WNT9A: variants seen among roughly 807,000 people sequenced by gnomAD.
WNT9A encodes the protein protein Wnt-9a.
Under a neutral mutation model 31.4 loss-of-function variants are expected in WNT9A, and 8 were observed. That is an observed-to-expected ratio of 0.26 (90% CI 0.15 to 0.46). The LOEUF is 0.46. Ranked by LOEUF, WNT9A falls within the 20% of genes least tolerant of loss-of-function variation. The pLI is 0.99. For synonymous variants in WNT9A, 236 were observed against 220.1 expected, an observed-to-expected ratio of 1.07 and a Z score of -0.64; for missense variants, 457 against 522.9, an observed-to-expected ratio of 0.87 and a Z score of 1.23.
At chr1:227,947,198 C>G (rs556342346) in intron 1 of WNT9A, among the ~76,000 whole-genome samples, 68 of 152,128 alleles carry the variant, frequency 4.5e-4, no homozygotes, top group Non-Finnish European at 8.5e-4. Flanking sequence ...GCCCTGCGCT[C>G]CCGGCCAGGT....
chr1:227,931,673 C>T (rs1180701639), intron 1 of WNT9A, among the ~76,000 whole-genome samples: 1 of 152,162 alleles, frequency 6.6e-6, no homozygotes, highest in Non-Finnish European at 1.5e-5. Flanking sequence ...GCTTACACTA[C>T]AGTCTTTAAG....
chr1:227,945,728 C>T (rs1666783845), intron 1 of WNT9A, among the ~76,000 whole-genome samples: 1 of 152,102 alleles, frequency 6.6e-6, no homozygotes, highest in Admixed American at 6.5e-5. Flanking sequence ...TGCCCTGGGC[C>T]ACCCCCTGCC....
At chr1:227,945,381 G>A (rs929109233) in intron 1 of WNT9A, among the ~76,000 whole-genome samples, 3 of 152,194 alleles carry the variant, frequency 2.0e-5, no homozygotes, top group African/African-American at 7.2e-5. Flanking sequence ...GCCAGGCCAA[G>A]GGGAGCCTCT....
chr1:227,936,867 G>A (rs145540287), intron 1 of WNT9A, among the ~76,000 whole-genome samples: 40 of 152,208 alleles, frequency 2.6e-4, no homozygotes, highest in Middle Eastern at 3.4e-3. Context: ...CTGGGCTTCT[G>A]GAATCTTCTT....
intron 1 of WNT9A, among the ~76,000 whole-genome samples, chr1:227,930,418 A>G (rs1298080782): frequency 6.6e-6 from 1 of 152,220 alleles, no homozygotes; most frequent in Admixed American, 6.5e-5. Flanking sequence ...CAGATGGCCT[A>G]TCCAGAATCC....
chr1:227,947,925 C>G lies in WNT9A; in HGVS notation c.-38G>C. 2 of 1,030,924 alleles carry G rather than the reference C, an allele frequency of 1.9e-6. No homozygotes were observed. Among genetic ancestry groups the G allele is most frequent in the South Asian group, 9.0e-5 (2 of 22,322 alleles). 63.9% of individuals were successfully genotyped at this position (1,030,924 alleles called of 1,614,324 possible). Reference sequence around the variant, plus strand: ...CGGCGGCCGACCATCGCGCTCCCAGCTCCGCGCAGGGCGCGCCGCGGCCGC... The same window carrying G: ...CGGCGGCCGACCATCGCGCTCCCAGGTCCGCGCAGGGCGCGCCGCGGCCGC... On this transcript the variant is annotated 5_prime_UTR_variant, in exon 1 of 4. Transcript: ENST00000272164.
chr1:227,923,736 T>C (rs868184479), intron 3 of WNT9A, among the ~76,000 whole-genome samples: 22 of 152,060 alleles, frequency 1.4e-4, no homozygotes, highest in Admixed American at 9.2e-4. Context: ...GGGGCACATC[T>C]TCCTCCCACC....
Position 227,925,611 on chromosome 1 carries a change from C to T in WNT9A, c.96-92G>A, listed in dbSNP as rs907526418. 1.9e-5 allele frequency: 27 copies of T among 1,424,638 alleles called. No individual in the cohort carries two copies. Among genetic ancestry groups the T allele is most frequent in the Non-Finnish European group, 2.3e-5 (25 of 1,092,346 alleles). The allele number at this position is 1,424,638 out of a possible 1,614,324, so 88.2% of individuals were successfully genotyped here. A position where few individuals can be genotyped will look rare whatever the true frequency, so the allele number is the denominator to read the frequency against. On this transcript the variant is annotated intron_variant, in intron 1 of 3. Transcript: ENST00000272164. This position sits in a 1 kb window ranked among gnomAD's most constrained non-coding sequence, Gnocchi z 6.0. ...CGGTGGCCAGGGTACAGGGGACAGG[C>T]GTGTCCATCCGGGGGTGAGGGGGCA... is the stretch of plus-strand genomic sequence containing the variant.
intron 2 of WNT9A, among the ~76,000 whole-genome samples, chr1:227,924,666 A>G (rs887828722): frequency 3.9e-5 from 6 of 152,146 alleles, no homozygotes; most frequent in African/African-American, 9.7e-5. Context: ...AGTCCCCATC[A>G]GGGTCTCGAA....
At chr1:227,937,322 G>C (rs376563581) in intron 1 of WNT9A, among the ~76,000 whole-genome samples, 14 of 152,176 alleles carry the variant, frequency 9.2e-5, no homozygotes, top group African/African-American at 3.1e-4. Flanking sequence ...GTGCAGGCCT[G>C]GTTAGCTCTG....
chr1:227,947,889 T>C lies in WNT9A; in HGVS notation c.-2A>G, dbSNP rs1427503236. On this transcript the variant is annotated 5_prime_UTR_variant, in exon 1 of 4. Coordinates refer to ENST00000272164, the MANE Select transcript of WNT9A (RefSeq NM_003395.4). ...CGCCAGCGGGGACCCATCCAGCATC[T>C]TGCCGCGCCTCGGCGGCCGACCATC... 1.6e-5 allele frequency: 17 copies of C among 1,069,614 alleles called. No individual in the cohort carries two copies. Among genetic ancestry groups the C allele is most frequent in the Non-Finnish European group, 1.7e-5 (15 of 885,556 alleles). 66.3% of individuals were successfully genotyped at this position (1,069,614 alleles called of 1,614,324 possible).
In WNT9A at chr1:227,921,985, C is replaced by T. The variant is rs1380323972; in HGVS notation, c.631G>A (p.Val211Met). ...CCGTGGCACTTGCAGGTGGTCTCCA[C>T]CCCAGCCTTGATCACCTGGCAGAAG... is the stretch of plus-strand genomic sequence containing the variant. Reference protein sequence around the residue: ...LVGVKVIKAGVETTCKCHGVS... With the variant: ...LVGVKVIKAGMETTCKCHGVS... The change falls in exon 4 of 4, where the codon GTG becomes ATG. Residue 211 changes from valine to methionine, a missense_variant. By Grantham distance (21) the Val-to-Met change is conservative. Coordinates refer to ENST00000272164, the MANE Select transcript of WNT9A (RefSeq NM_003395.4). 1.2e-6 allele frequency: 2 copies of T among 1,607,576 alleles called. No homozygotes were observed. The highest frequency in any genetic ancestry group is 1.3e-5 in the African/African-American group (1 of 74,870).
At chr1:227,932,153 G>C (rs1045161430) in intron 1 of WNT9A, among the ~76,000 whole-genome samples, 3 of 152,178 alleles carry the variant, frequency 2.0e-5, no homozygotes, top group Middle Eastern at 3.2e-3. Context: ...TTCACAATTA[G>C]AGTCACTCTT....
chr1:227,921,344 T>A lies in WNT9A; in HGVS notation c.*174A>T. The stretch of plus-strand genomic sequence containing the variant: ...GGGACTCACCCCACGCTGCTAGGTC[T>A]GAGCCCAGGGACTCAGCCCATGCAG... On this transcript the variant is annotated 3_prime_UTR_variant, in exon 4 of 4. Coordinates refer to ENST00000272164, the MANE Select transcript of WNT9A (RefSeq NM_003395.4). 1 of 1,057,862 alleles carries A rather than the reference T, an allele frequency of 9.5e-7. No homozygotes were observed. Among genetic ancestry groups the A allele is most frequent in the Non-Finnish European group, 1.3e-6 (1 of 749,172 alleles). The allele number at this position is 1,057,862 out of a possible 1,614,324, so 65.5% of individuals were successfully genotyped here.
rs770683629 is a variant in WNT9A, at chr1:227,925,217, G to A, written c.352+46C>T. On this transcript the variant is annotated intron_variant, in intron 2 of 3. Transcript: ENST00000272164. This position sits in a 1 kb window ranked among gnomAD's most constrained non-coding sequence, Gnocchi z 6.0. ...TTGGGATATGGACAAGGCCTGGGCTGCCACCTGTCTGGGGCCTTCCTGAGG... is the reference window on the plus strand; with the variant it reads ...TTGGGATATGGACAAGGCCTGGGCTACCACCTGTCTGGGGCCTTCCTGAGG... 2 of 1,482,536 alleles carry A rather than the reference G, an allele frequency of 1.3e-6. No homozygotes were observed. The highest frequency in any genetic ancestry group is 1.3e-5 in the South Asian group (1 of 74,838). 91.8% of individuals were successfully genotyped at this position (1,482,536 alleles called of 1,614,324 possible).
chr1:227,921,936 C>T lies in WNT9A; in HGVS notation c.680G>A (p.Arg227Gln), dbSNP rs149937882. The T allele has an allele frequency of 1.1e-4, 174 of 1,613,028 alleles. No individual in the cohort carries two copies. The highest frequency in any genetic ancestry group is 8.2e-4 in the Middle Eastern group (5 of 6,084). ...AGGCGCCAACTGCCGCCAGCAGGTC[C>T]GCACCGTGCATGAGCCTGACACGCC... ...CHGVSGSCTV[R>Q]TCWRQLAPFH... The change falls in exon 4 of 4, where the codon CGG becomes CAG. Residue 227 changes from arginine (R) to glutamine (Q), a missense_variant. Coordinates refer to ENST00000272164, the MANE Select transcript of WNT9A (RefSeq NM_003395.4).
At position 227,926,975 on chromosome 1, in the gene WNT9A, A is replaced by G. The variant is rs1666430140; in HGVS notation, c.96-1456T>C. On this transcript the variant is annotated intron_variant, in intron 1 of 3. Coordinates refer to ENST00000272164, the MANE Select transcript of WNT9A (RefSeq NM_003395.4). The surrounding 1 kb of genome is among the most constrained non-coding windows in gnomAD (Gnocchi z 5.0). ...GGCCACAGGCGCAGGCCACAGAAGG[A>G]GCAGGTAGTGGCCCCAGGAAGGATC... is the stretch of plus-strand genomic sequence containing the variant. Among the ~76,000 whole-genome samples, 1 of 152,014 alleles carries G rather than the reference A, an allele frequency of 6.6e-6. No homozygotes were observed. The highest frequency in any genetic ancestry group is 2.4e-5 in the African/African-American group (1 of 41,398).
At chr1:227,939,047 C>T (rs1384686707) in intron 1 of WNT9A, among the ~76,000 whole-genome samples, 1 of 152,232 alleles carries the variant, frequency 6.6e-6, no homozygotes, top group Non-Finnish European at 1.5e-5. Context: ...ACCTCTCAAG[C>T]CCCAGCCACT....
intron 1 of WNT9A, among the ~76,000 whole-genome samples, chr1:227,937,743 C>T (rs1021682282): frequency 1.3e-5 from 2 of 152,248 alleles, no homozygotes; most frequent in African/African-American, 2.4e-5. Context: ...CTGCGGACGC[C>T]GTGATTTCAG....
Sources: gnomAD v4.1 joint callset for allele counts (sites outside exome capture counted in the v4.1 genomes callset) on GRCh38, gnomAD v4.1.1 for gene constraint, Gnocchi (gnomAD v3.1) non-coding constraint, MANE v1.5 for transcripts, NCBI Gene and HGNC (gene_info 2026-07-23, HGNC 2026-07-21) for gene names.